The following NCKAP5 variants were observed in gnomAD, a reference collection of about 807,000 sequenced individuals.
NCKAP5 encodes NCK associated protein 5, also known as nck-associated protein 5.
NCKAP5 carries 92 observed loss-of-function variants against 167.0 expected under a neutral mutation model. The observed-to-expected ratio is 0.55, with a 90% CI of 0.47 to 0.66. The LOEUF is 0.66. Among genes scored for constraint, NCKAP5 ranks in the 30% least tolerant of loss-of-function variants. NCKAP5 has a pLI of 0.00. For missense variants in NCKAP5, 2,378 were observed against 2,315.0 expected, an observed-to-expected ratio of 1.03 and a Z score of -0.56; for synonymous variants, 891 against 877.4, an observed-to-expected ratio of 1.02 and a Z score of -0.27.
At chr2:132,712,394 G>A (rs1194498242) in intron 19 of NCKAP5, among the ~76,000 whole-genome samples, 1 of 152,148 alleles carries the variant, frequency 6.6e-6, no homozygotes, top group East Asian at 1.9e-4. Context: ...GCTCACTCCT[G>A]TAATCCCAGC....
intron 6 of NCKAP5, among the ~76,000 whole-genome samples, chr2:133,045,089 G>T (rs549997207): frequency 6.6e-6 from 1 of 151,438 alleles, no homozygotes; most frequent in East Asian, 1.9e-4. Context: ...GAAAAAAAAA[G>T]AGGAGAGATA....
chr2:132,785,268 C>A lies in NCKAP5; in HGVS notation c.1543G>T (p.Glu515Ter). 1 of 1,582,392 alleles carries A rather than the reference C, an allele frequency of 6.3e-7. No homozygotes were observed. Among genetic ancestry groups the A allele is most frequent in the South Asian group, 1.2e-5 (1 of 85,602 alleles). ...HSVSDSLFGW[E>*]TNRKHFLEGT... The stretch of plus-strand genomic sequence containing the variant: ...TCCAGAAAGTGTTTTCTGTTTGTCT[C>A]CCAGCCAAACAGACTGTCGGAAACA... The change falls in exon 14 of 20, where the codon GAG becomes TAG. Residue 515 changes from glutamate (E) to a stop codon, truncating the protein, a stop_gained. Coordinates refer to ENST00000409261, the MANE Select transcript of NCKAP5 (RefSeq NM_207363.3). LOFTEE classifies it high-confidence loss of function.
chr2:133,389,727 T>C (rs1245747293), intron 3 of NCKAP5, among the ~76,000 whole-genome samples: 2 of 152,192 alleles, frequency 1.3e-5, no homozygotes, highest in Non-Finnish European at 2.9e-5. Context: ...TGTGCACACA[T>C]TCGTGTGGGT....
chr2:132,913,202 A>G (rs990180339), intron 8 of NCKAP5, among the ~76,000 whole-genome samples: 2 of 152,054 alleles, frequency 1.3e-5, no homozygotes, highest in African/African-American at 4.8e-5. Context: ...AAGTTCCTAC[A>G]TAACACAGTC....
chr2:133,536,462 T>C (rs1395804331), intron 2 of NCKAP5, among the ~76,000 whole-genome samples: 3 of 152,130 alleles, frequency 2.0e-5, no homozygotes, highest in African/African-American at 7.2e-5. Context: ...TGTGCCTTTA[T>C]TTCTGGGTTC....
chr2:133,222,085 T>C (rs575482597), intron 4 of NCKAP5, among the ~76,000 whole-genome samples: 2 of 152,298 alleles, frequency 1.3e-5, no homozygotes, highest in African/African-American at 4.8e-5. Flanking sequence ...GAGAATCCCA[T>C]GAGGTAGGTA....
At chr2:133,236,400 G>C (rs930915531) in intron 4 of NCKAP5, among the ~76,000 whole-genome samples, 1 of 152,076 alleles carries the variant, frequency 6.6e-6, no homozygotes, top group African/African-American at 2.4e-5. Flanking sequence ...TACCCTACCA[G>C]TTGTTTTTAG....
At chr2:133,656,965 T>C in the NCKAP5 span, among the ~76,000 whole-genome samples, 10 of 152,114 alleles carry the variant, frequency 6.6e-5, no homozygotes, top group Non-Finnish European at 1.3e-4. Context: ...ATTGTATCAT[T>C]CTTATGTGTT....
At chr2:133,230,988 C>G (rs571246655) in intron 4 of NCKAP5, among the ~76,000 whole-genome samples, 4 of 152,170 alleles carry the variant, frequency 2.6e-5, no homozygotes, top group Non-Finnish European at 5.9e-5. Context: ...TGCTGCCAAC[C>G]ATTCCAAATA....
rs184819378 is a variant in NCKAP5, at chr2:133,072,514, G to A, written c.341+57464C>T. Among the ~76,000 whole-genome samples the A allele has an allele frequency of 5.5e-4, 84 of 152,152 alleles. No individual in the cohort carries two copies. The Middle Eastern group carries it at 0.014, about 25-fold the overall frequency. On this transcript the variant is annotated intron_variant, in intron 6 of 19. Coordinates refer to ENST00000409261, the MANE Select transcript of NCKAP5 (RefSeq NM_207363.3). ...AGAGCACCCACCCCACTCCCCGATC[G>A]TCTATCTTAGAGCCAGGTACTTACA...
chr2:133,135,932 ATT>A (rs1222159017), intron 5 of NCKAP5, among the ~76,000 whole-genome samples: 68 of 152,304 alleles, frequency 4.5e-4, no homozygotes, highest in Non-Finnish European at 4.4e-4. Context: ...TCTGTATAAC[ATT>A]TGTCTTTAAT....
intron 11 of NCKAP5, among the ~76,000 whole-genome samples, chr2:132,837,202 C>G (rs528169188): frequency 5.3e-5 from 8 of 152,286 alleles, no homozygotes; most frequent in African/African-American, 1.7e-4. Flanking sequence ...CTCTTTCCCC[C>G]ATGTGTTCTA....
At chr2:132,825,769 G>A (rs1212009354) in intron 11 of NCKAP5, among the ~76,000 whole-genome samples, 2 of 152,184 alleles carry the variant, frequency 1.3e-5, no homozygotes, top group Non-Finnish European at 2.9e-5. Context: ...TGGCAAAACT[G>A]TTGTTTCCAC....
intron 3 of NCKAP5, among the ~76,000 whole-genome samples, chr2:133,304,757 T>C (rs1415420165): frequency 6.6e-6 from 1 of 152,250 alleles, no homozygotes; most frequent in Non-Finnish European, 1.5e-5. Flanking sequence ...CTGTTCTAAG[T>C]GCTGCAGATA....
At chr2:133,629,738 T>C in the NCKAP5 span, among the ~76,000 whole-genome samples, 4 of 152,156 alleles carry the variant, frequency 2.6e-5, no homozygotes, top group South Asian at 4.1e-4. Context: ...CCAATGCCCA[T>C]AAATGATAGA....
intron 3 of NCKAP5, among the ~76,000 whole-genome samples, chr2:133,443,778 G>A (rs1429489552): frequency 6.6e-6 from 1 of 152,148 alleles, no homozygotes; most frequent in Non-Finnish European, 1.5e-5. Flanking sequence ...GGGAGGAAAG[G>A]ATGAGTAGAG....
rs1300002058 is a variant in NCKAP5, at chr2:132,804,320, A to G, written c.808-7591T>C. Among the ~76,000 whole-genome samples, 3 of 152,172 alleles carry G rather than the reference A, an allele frequency of 2.0e-5. No individual in the cohort carries two copies. The East Asian group carries it at 5.8e-4, about 29-fold the overall frequency. On this transcript the variant is annotated intron_variant, in intron 11 of 19. Coordinates refer to ENST00000409261, the MANE Select transcript of NCKAP5 (RefSeq NM_207363.3). The stretch of plus-strand genomic sequence containing the variant: ...CAGCACAGCCTGAGCCTATTCTGGG[A>G]TCTAAGAGACACAGAAGTGCCCTGA...
intron 4 of NCKAP5, among the ~76,000 whole-genome samples, chr2:133,244,097 G>T (rs1252018129): frequency 6.6e-6 from 1 of 152,164 alleles, no homozygotes; most frequent in Admixed American, 6.5e-5. Flanking sequence ...CATCTCCAGA[G>T]ATCTATTTCT....
At chr2:132,996,618 C>G (rs1465030183) in intron 6 of NCKAP5, among the ~76,000 whole-genome samples, 2 of 152,194 alleles carry the variant, frequency 1.3e-5, no homozygotes, top group African/African-American at 4.8e-5. Context: ...CACTTTAATG[C>G]TCAAATATTT....
Sources: allele counts gnomAD v4.1 joint callset (sites outside exome capture counted in the v4.1 genomes callset), GRCh38; gene constraint gnomAD v4.1.1; transcripts MANE v1.5; gene names NCBI Gene and HGNC (gene_info 2026-07-23, HGNC 2026-07-21).